OVCH1: variants seen among roughly 807,000 people sequenced by gnomAD.
The protein encoded by OVCH1 is ovochymase-1.
In OVCH1, 139 loss-of-function variants were observed where a neutral mutation model predicts 138.4. The observed-to-expected ratio is 1.00, with a 90% CI of 0.87 to 1.16. OVCH1 has a LOEUF of 1.16. Among genes scored for constraint, OVCH1 ranks in the 50% most tolerant of loss-of-function variants. The pLI is 0.00. For missense variants in OVCH1, 1,367 were observed against 1,357.9 expected (o/e 1.01, Z -0.11); for synonymous variants, 453 against 467.8 (o/e 0.97, Z 0.41).
chr12:29,412,282 G>T (rs1297217303), downstream of OVCH1, among the ~76,000 whole-genome samples: 1 of 152,130 alleles, frequency 6.6e-6, no homozygotes, highest in Non-Finnish European at 1.5e-5. Context: ...GCCTCACTCT[G>T]CTTCGGCTCA....
At chr12:29,405,773 AT>A in the OVCH1 span, among the ~76,000 whole-genome samples, 1 of 152,228 alleles carries the variant, frequency 6.6e-6, no homozygotes, top group African/African-American at 2.4e-5. Flanking sequence ...AGTACAATTC[AT>A]TTTTAAATGT....
At chr12:29,488,850 C>A (rs759569559) in intron 6 of OVCH1, among the ~76,000 whole-genome samples, 2 of 152,090 alleles carry the variant, frequency 1.3e-5, no homozygotes, top group Non-Finnish European at 2.9e-5. Context: ...GAAAAAGCAC[C>A]TTTAGCCTAT....
chr12:29,421,624 AACACTTT>A (rs1357350593), intron 3 of OVCH1, among the ~76,000 whole-genome samples: 5 of 152,296 alleles, frequency 3.3e-5, no homozygotes, highest in African/African-American at 1.2e-4. Context: ...GACTTATCAA[AACACTTT>A]ACACTACACG....
Position 29,476,306 on chromosome 12 carries a change from A to G in OVCH1, c.1378-7T>C. On this transcript the variant is annotated splice_polypyrimidine_tract_variant and splice_region_variant and intron_variant, in intron 12 of 27. Transcript: ENST00000318184. ...CAAAGTCCTCAAATGTCAACTGTGC[A>G]AATGGAAACATAACCAGGGAAATGG... 3 of 1,598,580 alleles carry G rather than the reference A, an allele frequency of 1.9e-6. No homozygotes were observed. Among genetic ancestry groups the G allele is most frequent in the Non-Finnish European group, 2.6e-6 (3 of 1,165,964 alleles).
intron 18 of OVCH1, 166 bp downstream of exon 18, chr12:29,464,341 A>G: frequency 1.2e-6 from 1 of 818,308 alleles, no homozygotes. Context: ...AGTTTTAAAT[A>G]GCTCATTCTC....
At chr12:29,429,225 G>GAAAT (rs761696606) in intron 27 of OVCH1, among the ~76,000 whole-genome samples, 4 of 152,168 alleles carry the variant, frequency 2.6e-5, no homozygotes, top group Non-Finnish European at 2.9e-5. Context: ...TGCCATTTAG[G>GAAAT]AAATAAAATC....
downstream of OVCH1, among the ~76,000 whole-genome samples, chr12:29,425,686 A>G (rs2135892026): frequency 6.6e-6 from 1 of 152,300 alleles, no homozygotes; most frequent in African/African-American, 2.4e-5. Flanking sequence ...TACCTACATA[A>G]GATTGTTAAA....
At chr12:29,488,606 G>GT in intron 6 of OVCH1, among the ~76,000 whole-genome samples, 1 of 102,302 alleles carries the variant, frequency 9.8e-6, no homozygotes, top group South Asian at 3.4e-4. Flanking sequence ...GGGCAACAGA[G>GT]TGAGACTCCA....
At chr12:29,422,926 A>G (rs1369287220), downstream of OVCH1, among the ~76,000 whole-genome samples, 1 of 152,202 alleles carries the variant, frequency 6.6e-6, no homozygotes, top group East Asian at 1.9e-4. Flanking sequence ...ATAAACGCAC[A>G]TACACAAATT....
chr12:29,475,979 G>C (rs994469970), intron 13 of OVCH1, among the ~76,000 whole-genome samples: 3 of 152,168 alleles, frequency 2.0e-5, no homozygotes, highest in African/African-American at 7.2e-5. Context: ...CACCTTACAT[G>C]CAGTCTGAAA....
chr12:29,445,484 T>C (rs1164117453), intron 22 of OVCH1, 81 bp from the exon 23 acceptor site: 4 of 1,345,162 alleles, frequency 3.0e-6, no homozygotes, highest in Admixed American at 2.3e-5. Flanking sequence ...GAGCAATTAA[T>C]TTAACCCACG....
chr12:29,408,411 T>C (rs1445638708), downstream of OVCH1, among the ~76,000 whole-genome samples: 74 of 109,538 alleles, frequency 6.8e-4, 5 homozygotes, highest in African/African-American at 1.9e-3. Flanking sequence ...TGCTTCCAGT[T>C]TTTGCCCATT....
At chr12:29,409,311 G>T (rs1940922972), downstream of OVCH1, among the ~76,000 whole-genome samples, 1 of 152,062 alleles carries the variant, frequency 6.6e-6, no homozygotes, top group African/African-American at 2.4e-5. Flanking sequence ...ATTTCCTTCA[G>T]TTCTGCTCTA....
At chr12:29,472,734 C>T (rs1436189133) in intron 15 of OVCH1, among the ~76,000 whole-genome samples, 2 of 152,110 alleles carry the variant, frequency 1.3e-5, no homozygotes, top group Non-Finnish European at 2.9e-5. Flanking sequence ...CTCTCTTTGC[C>T]CCACACTGAC....
chr12:29,466,446 C>A (rs1005388668), intron 16 of OVCH1, among the ~76,000 whole-genome samples: 4 of 142,290 alleles, frequency 2.8e-5, no homozygotes, highest in African/African-American at 1.2e-4. Context: ...TCAACATTGC[C>A]GAATTATGAT....
chr12:29,433,089 T>C (rs1941297908), intron 27 of OVCH1, among the ~76,000 whole-genome samples: 1 of 152,216 alleles, frequency 6.6e-6, no homozygotes, highest in South Asian at 2.1e-4. Flanking sequence ...TTGATTCCCT[T>C]CCCTGTCCTC....
chr12:29,411,117 A>C (rs1468515744), downstream of OVCH1, among the ~76,000 whole-genome samples: 2 of 104,358 alleles, frequency 1.9e-5, no homozygotes, highest in African/African-American at 5.4e-5. Flanking sequence ...AGGCTTCTGC[A>C]TTCTTCCCGT....
rs67595567 is a variant in OVCH1, at chr12:29,488,620, C to CAAAAAAAAAAAA, written c.703-750_703-739dup. ...TGGGCAACAGAGTGAGACTCCATCT[C>CAAAAAAAAAAAA]AAAAAAAAAAAAAAAAAAAAAAAGA... On this transcript the variant is annotated intron_variant, in intron 6 of 27. Transcript: ENST00000318184. 1.9e-3 allele frequency among the ~76,000 whole-genome samples: 115 copies of CAAAAAAAAAAAA among 61,720 alleles called. 3 individuals are homozygous for CAAAAAAAAAAAA. The highest frequency in any genetic ancestry group is 7.5e-3 in the African/African-American group (110 of 14,750). The allele number at this position is 61,720 out of a possible 152,430, so 40.5% of individuals were successfully genotyped here. A position where few individuals can be genotyped will look rare whatever the true frequency, so the allele number is the denominator to read the frequency against.
chr12:29,495,111 T>C (rs993136552), intron 4 of OVCH1, among the ~76,000 whole-genome samples, 174 bp downstream of exon 4: 5 of 152,194 alleles, frequency 3.3e-5, no homozygotes, highest in African/African-American at 1.2e-4. Flanking sequence ...GGCTGGGACA[T>C]GTAGCCTATA....
Sources: allele counts gnomAD v4.1 joint callset (sites outside exome capture counted in the v4.1 genomes callset), GRCh38; gene constraint gnomAD v4.1.1; transcripts MANE v1.5; gene names NCBI Gene and HGNC (gene_info 2026-07-23, HGNC 2026-07-21).